The following GPR157 variants were observed in gnomAD, a reference collection of about 807,000 sequenced individuals.
GPR157 encodes G protein-coupled receptor 157.
Under a neutral mutation model 23.5 loss-of-function variants are expected in GPR157, and 16 were observed. The observed-to-expected ratio is 0.68, with a 90% CI of 0.46 to 1.04. The LOEUF is 1.04. Ranked by LOEUF, GPR157 falls within the 50% of genes least tolerant of loss-of-function variation. GPR157 has a pLI of 0.00. For missense variants in GPR157, 440 were observed against 460.7 expected (o/e 0.96, Z 0.41); for synonymous variants, 200 against 221.5 (o/e 0.90, Z 0.86).
At chr1:9,122,974 C>T (rs968590991) in intron 1 of GPR157, among the ~76,000 whole-genome samples, 10 of 151,262 alleles carry the variant, frequency 6.6e-5, no homozygotes, top group East Asian at 5.8e-4. Flanking sequence ...CTGAGCAACA[C>T]GGTGAAACCC....
intron 3 of GPR157, among the ~76,000 whole-genome samples, chr1:9,104,881 G>A (rs1325777119): frequency 6.6e-6 from 1 of 151,780 alleles, no homozygotes; most frequent in Non-Finnish European, 1.5e-5. Flanking sequence ...GGCGCCTGTA[G>A]TCCCAGCGAC....
At chr1:9,110,155 G>A (rs1337313702) in intron 2 of GPR157, among the ~76,000 whole-genome samples, 2 of 152,224 alleles carry the variant, frequency 1.3e-5, no homozygotes, top group Admixed American at 6.5e-5. Context: ...AGGAGGGCAG[G>A]ATCCATGTCT....
intron 1 of GPR157, among the ~76,000 whole-genome samples, chr1:9,113,682 G>A (rs925416225): frequency 2.0e-5 from 3 of 152,134 alleles, no homozygotes; most frequent in Non-Finnish European, 2.9e-5. Context: ...GGTGGCTCAT[G>A]CCTGTAATCC....
In GPR157 at chr1:9,101,360, C is replaced by G. The variant is rs1642564442; in HGVS notation, c.*3059G>C. On this transcript the variant is annotated 3_prime_UTR_variant, in exon 4 of 4. Coordinates refer to ENST00000377411, the MANE Select transcript of GPR157 (RefSeq NM_024980.5). Reference sequence around the variant, plus strand: ...CGTGAGCCACTGCGCCTGGCCCCCTCCTGGACTTTTAGGATGTGACTTCCT... The same window carrying G: ...CGTGAGCCACTGCGCCTGGCCCCCTGCTGGACTTTTAGGATGTGACTTCCT... The G allele has an allele frequency of 6.6e-6, 1 of 152,350 alleles. No individual in the cohort carries two copies. The highest frequency in any genetic ancestry group is 1.5e-5 in the Non-Finnish European group (1 of 68,200). 9.4% of individuals were successfully genotyped at this position (152,350 alleles called of 1,614,324 possible).
rs1427382706 is a variant in GPR157 at position 9,118,671 on chromosome 1, TC to T, written c.384-7183del. On this transcript the variant is annotated intron_variant, in intron 1 of 3. Coordinates refer to ENST00000377411, the MANE Select transcript of GPR157 (RefSeq NM_024980.5). This position sits in a 1 kb window ranked among gnomAD's most constrained non-coding sequence, Gnocchi z 4.6. Reference sequence around the variant, plus strand: ...ATGTGAGTGTATTTGAGAGATAGGGTCTTTCAAGAGGTGATTAAGTTAAAAT... The same window carrying T: ...ATGTGAGTGTATTTGAGAGATAGGGTTTTCAAGAGGTGATTAAGTTAAAAT... 6.6e-6 allele frequency among the ~76,000 whole-genome samples: 1 copy of T among 152,108 alleles called. No individual in the cohort carries two copies. Among genetic ancestry groups the T allele is most frequent in the African/African-American group, 2.4e-5 (1 of 41,410 alleles).
In GPR157 at chr1:9,128,085, C is replaced by G. The variant is rs76301303; in HGVS notation, c.383+560G>C. On this transcript the variant is annotated intron_variant, in intron 1 of 3. Coordinates refer to ENST00000377411, the MANE Select transcript of GPR157 (RefSeq NM_024980.5). This position sits in a 1 kb window ranked among gnomAD's most constrained non-coding sequence, Gnocchi z 6.3. ...GTCAAGATCATCTAGAACAGAAATA[C>G]AAGGGGCTGGGGCCTGAGGCTAGAA... 0.027 allele frequency among the ~76,000 whole-genome samples: 4,109 copies of G among 152,276 alleles called. 82 individuals are homozygous for G. The highest frequency in any genetic ancestry group is 0.048 in the Middle Eastern group (14 of 294).
rs1320232996 is a variant in GPR157, at chr1:9,128,915, A to AGGGC, written c.109_112dup (p.Leu38ArgfsTer112). 1.3e-6 allele frequency: 2 copies of AGGGC among 1,542,188 alleles called. No individual in the cohort carries two copies. The highest frequency in any genetic ancestry group is 2.7e-5 in the African/African-American group (2 of 72,900). Reference sequence around the variant, plus strand: ...TGCCCGGCTGCGCAGGTCGGGCCACAGGGCGTGCGTGGCCACCAGCAGGCC... The same window carrying AGGGC: ...TGCCCGGCTGCGCAGGTCGGGCCACAGGGCGGGCGTGCGTGGCCACCAGCAGGCC... On this transcript the variant is annotated frameshift_variant, in exon 1 of 4. Transcript: ENST00000377411. LOFTEE classifies it high-confidence loss of function. The surrounding 1 kb of genome is among the most constrained non-coding windows in gnomAD (Gnocchi z 6.3).
intron 2 of GPR157, among the ~76,000 whole-genome samples, chr1:9,109,454 G>A (rs1023934264): frequency 9.9e-5 from 15 of 152,104 alleles, no homozygotes; most frequent in Middle Eastern, 3.4e-3. Context: ...ATGCAGTGGC[G>A]TAATCTTGGC....
chr1:9,115,761 T>G (rs183138539), intron 1 of GPR157, among the ~76,000 whole-genome samples: 1 of 151,994 alleles, frequency 6.6e-6, no homozygotes, highest in Admixed American at 6.6e-5. Context: ...CTTTAATGTC[T>G]TCTCCATTAC....
chr1:9,104,719 G>T, intron 3 of GPR157, 85 bp from the exon 4 acceptor site: 1 of 1,015,352 alleles, frequency 9.8e-7, no homozygotes, highest in Non-Finnish European at 1.4e-6. Flanking sequence ...GAAACGGCTA[G>T]GCTGGGTGCG....
chr1:9,127,529 T>C (rs989544784), intron 1 of GPR157, among the ~76,000 whole-genome samples: 3 of 152,182 alleles, frequency 2.0e-5, no homozygotes, highest in Non-Finnish European at 1.5e-5. Flanking sequence ...CCCTATTCCA[T>C]CTGCAGCATC....
rs1156985235 is a variant in GPR157, at chr1:9,116,215, A to ATAAT, written c.384-4727_384-4726insATTA. On this transcript the variant is annotated intron_variant, in intron 1 of 3. Transcript: ENST00000377411. ...AATATAATTATATATATAATTATAT[A>ATAAT]TATATTACATATAATATAATTATAT... Among the ~76,000 whole-genome samples, 36 of 10,808 alleles carry ATAAT rather than the reference A, an allele frequency of 3.3e-3. 2 individuals are homozygous for ATAAT. The highest frequency in any genetic ancestry group is 3.5e-3 in the South Asian group (2 of 564). 7.1% of individuals were successfully genotyped at this position (10,808 alleles called of 152,430 possible).
intron 1 of GPR157, among the ~76,000 whole-genome samples, chr1:9,111,790 T>C (rs572456986): frequency 2.6e-4 from 39 of 152,238 alleles, no homozygotes; most frequent in Admixed American, 5.2e-4. Context: ...GCCAACATGG[T>C]GAAACCCTGT....
intron 1 of GPR157, among the ~76,000 whole-genome samples, chr1:9,124,357 A>G (rs142702080): frequency 1.4e-4 from 21 of 152,304 alleles, no homozygotes; most frequent in African/African-American, 4.1e-4. Context: ...TGTAAAGACA[A>G]TGCCAGGTTG....
intron 2 of GPR157, among the ~76,000 whole-genome samples, chr1:9,108,009 T>C: frequency 8.5e-6 from 1 of 118,302 alleles, no homozygotes; most frequent in African/African-American, 3.0e-5. Flanking sequence ...GAAGTTGCAG[T>C]GAGCCAGAGG....
Position 9,118,283 on chromosome 1 carries a change from T to C in GPR157, c.384-6794A>G, listed in dbSNP as rs2124522068. Among the ~76,000 whole-genome samples the C allele has an allele frequency of 6.6e-6, 1 of 151,482 alleles. No homozygotes were observed. The highest frequency in any genetic ancestry group is 1.9e-4 in the East Asian group (1 of 5,158). On this transcript the variant is annotated intron_variant, in intron 1 of 3. Transcript: ENST00000377411. The surrounding 1 kb of genome is among the most constrained non-coding windows in gnomAD (Gnocchi z 4.6). ...GCAGCTTCCACTGAGAGAAGGTGAG[T>C]GCTCATGTTCAGGGGGTGCCATGAC...
intron 1 of GPR157, among the ~76,000 whole-genome samples, chr1:9,119,030 CT>C (rs775520071): frequency 0.35 from 39,603 of 113,048 alleles, 6,211 homozygotes; most frequent in African/African-American, 0.55. Flanking sequence ...GAGACCCTGC[CT>C]TTTTTTTTTT....
chr1:9,128,810 G>A lies in GPR157; in HGVS notation c.218C>T (p.Ala73Val). 1 of 1,609,878 alleles carries A rather than the reference G, an allele frequency of 6.2e-7. No individual in the cohort carries two copies. Among genetic ancestry groups the A allele is most frequent in the Non-Finnish European group, 8.5e-7 (1 of 1,178,136 alleles). Reference sequence around the variant, plus strand: ...CAGCACGCAGTCCCACGACGGGCCCGCGAAGTTCTGCAGCACTCCGTAGAA... The same window carrying A: ...CAGCACGCAGTCCCACGACGGGCCCACGAAGTTCTGCAGCACTCCGTAGAA... ...SYFYGVLQNF[A>V]GPSWDCVLQG... Residue 73 changes from alanine to valine, a missense_variant, in exon 1 of 4, where the codon GCG becomes GTG. Transcript: ENST00000377411. The surrounding 1 kb of genome is among the most constrained non-coding windows in gnomAD (Gnocchi z 6.3).
intron 1 of GPR157, among the ~76,000 whole-genome samples, chr1:9,113,956 AAC>A (rs35650719): frequency 0.21 from 25,601 of 121,658 alleles, 2,505 homozygotes; most frequent in Admixed American, 0.27. Context: ...AAAAAAACCA[AAC>A]ACACACACAC....
Sources: gnomAD v4.1 joint callset for allele counts (sites outside exome capture counted in the v4.1 genomes callset) on GRCh38, gnomAD v4.1.1 for gene constraint, Gnocchi (gnomAD v3.1) non-coding constraint, MANE v1.5 for transcripts, NCBI Gene and HGNC (gene_info 2026-07-23, HGNC 2026-07-21) for gene names.